The following TMEM212 variants were observed in gnomAD, a reference collection of about 807,000 sequenced individuals.
TMEM212 encodes transmembrane protein 212.
TMEM212 carries 23 observed loss-of-function variants against 20.5 expected under a neutral mutation model. That is an observed-to-expected ratio of 1.12 (90% CI 0.81 to 1.59). The LOEUF is 1.59. Among genes scored for constraint, TMEM212 ranks in the 40% most tolerant of loss-of-function variants. TMEM212 has a pLI of 0.00. For missense variants in TMEM212, 211 were observed against 215.0 expected (o/e 0.98, Z 0.12); for synonymous variants, 76 against 81.6 (o/e 0.93, Z 0.37).
chr3:171,851,830 A>G (rs1214711043), intron 1 of TMEM212, among the ~76,000 whole-genome samples, 152 bp from the exon 2 acceptor site: 1 of 152,184 alleles, frequency 6.6e-6, no homozygotes, highest in African/African-American at 2.4e-5. Context: ...GTTTTTTTCC[A>G]CGGATGAGGA....
At chr3:171,846,371 A>G (rs543443686) in intron 1 of TMEM212, among the ~76,000 whole-genome samples, 5 of 152,290 alleles carry the variant, frequency 3.3e-5, no homozygotes, top group African/African-American at 1.2e-4. Flanking sequence ...TTTTCCTCAT[A>G]ACACTTATTA....
At chr3:171,849,849 T>G (rs1483650894) in intron 1 of TMEM212, among the ~76,000 whole-genome samples, 1 of 152,150 alleles carries the variant, frequency 6.6e-6, no homozygotes, top group Non-Finnish European at 1.5e-5. Context: ...CTGATATCCC[T>G]GGAAGCGCCC....
chr3:171,848,097 T>C (rs898040761), intron 1 of TMEM212, among the ~76,000 whole-genome samples: 3 of 152,206 alleles, frequency 2.0e-5, no homozygotes, highest in Admixed American at 2.0e-4. Context: ...TCCCTGTCAT[T>C]GTCTTGGTAA....
intron 1 of TMEM212, among the ~76,000 whole-genome samples, 165 bp downstream of exon 1, chr3:171,843,707 T>C (rs1371766016): frequency 6.6e-6 from 1 of 152,210 alleles, no homozygotes; most frequent in Non-Finnish European, 1.5e-5. Context: ...TTAATTGCAT[T>C]TTAAGTATAA....
At position 171,843,616 on chromosome 3, in the gene TMEM212, A is replaced by G. The variant is rs913109862; in HGVS notation, c.159+74A>G. 3 of 1,278,064 alleles carry G rather than the reference A, an allele frequency of 2.3e-6. No homozygotes were observed. In the African/African-American group the frequency reaches 4.5e-5, roughly 19 times the overall value. 79.2% of individuals were successfully genotyped at this position (1,278,064 alleles called of 1,614,324 possible). A position where few individuals can be genotyped will look rare whatever the true frequency, so the allele number is the denominator to read the frequency against. On this transcript the variant is annotated intron_variant, in intron 1 of 4. Transcript: ENST00000334567. ...AGGGAAAGGGAAAACAGAAGAACATATCCTTTTAAATTGTTCTAACAATAC... is the reference window on the plus strand; with the variant it reads ...AGGGAAAGGGAAAACAGAAGAACATGTCCTTTTAAATTGTTCTAACAATAC...
chr3:171,850,258 A>G (rs997138207), intron 1 of TMEM212, among the ~76,000 whole-genome samples: 1 of 152,168 alleles, frequency 6.6e-6, no homozygotes, highest in African/African-American at 2.4e-5. Flanking sequence ...TGCAGGGTGG[A>G]TTTAACAAGT....
At chr3:171,847,366 A>G (rs1266203164) in intron 1 of TMEM212, among the ~76,000 whole-genome samples, 2 of 152,230 alleles carry the variant, frequency 1.3e-5, no homozygotes, top group East Asian at 3.8e-4. Context: ...GAGAAAGGTC[A>G]CGCTAGATTT....
At chr3:171,850,756 T>C (rs981545005) in intron 1 of TMEM212, among the ~76,000 whole-genome samples, 2 of 152,236 alleles carry the variant, frequency 1.3e-5, no homozygotes, top group African/African-American at 2.4e-5. Flanking sequence ...CAGATGGTTC[T>C]GTTTTTATCC....
intron 1 of TMEM212, among the ~76,000 whole-genome samples, chr3:171,846,968 T>C (rs1434430271): frequency 6.6e-6 from 1 of 152,224 alleles, no homozygotes; most frequent in Admixed American, 6.5e-5. Context: ...CCTTGGGGAC[T>C]TGTAAGAAAG....
intron 2 of TMEM212, among the ~76,000 whole-genome samples, 177 bp from the exon 3 acceptor site, chr3:171,853,346 TATAC>T (rs1725029662): frequency 6.6e-6 from 1 of 150,904 alleles, no homozygotes. Flanking sequence ...AGAAAATGAA[TATAC>T]AAGGGACATT....
chr3:171,843,909 T>C lies in TMEM212; in HGVS notation c.159+367T>C, dbSNP rs1256553867. ...TAAACCTTGAAAAGTAATTTTAAAA[T>C]ACAGAACAAAGTAAAATAATTTTCA... is the stretch of plus-strand genomic sequence containing the variant. On this transcript the variant is annotated intron_variant, in intron 1 of 4. Transcript: ENST00000334567. 3.3e-5 allele frequency among the ~76,000 whole-genome samples: 5 copies of C among 152,286 alleles called. No homozygotes were observed. In the East Asian group the frequency reaches 7.7e-4, roughly 23 times the overall value.
intron 1 of TMEM212, among the ~76,000 whole-genome samples, chr3:171,848,389 A>G (rs1196427900): frequency 6.6e-6 from 1 of 152,278 alleles, no homozygotes; most frequent in South Asian, 2.1e-4. Flanking sequence ...CCTACAAGGC[A>G]TACCCCTATG....
chr3:171,852,338 C>T (rs1724996064), intron 2 of TMEM212, among the ~76,000 whole-genome samples: 1 of 151,992 alleles, frequency 6.6e-6, no homozygotes, highest in Non-Finnish European at 1.5e-5. Flanking sequence ...GTAGCTGGGA[C>T]TACAGGTGCA....
At chr3:171,845,967 C>A (rs1339953631) in intron 1 of TMEM212, among the ~76,000 whole-genome samples, 1 of 152,118 alleles carries the variant, frequency 6.6e-6, no homozygotes, top group Non-Finnish European at 1.5e-5. Context: ...TTCATTTGTG[C>A]CCTACTCTCT....
rs570786252 is a variant in TMEM212, at chr3:171,845,044, C to A, written c.159+1502C>A. Among the ~76,000 whole-genome samples, 8 of 152,154 alleles carry A rather than the reference C, an allele frequency of 5.3e-5. No individual in the cohort carries two copies. In the South Asian group the frequency reaches 1.7e-3, roughly 32 times the overall value. ...GTTTTTTTTTCTTTTTCAATACATTCTTTTGCATCTATCACCCCAATCTTG... is the reference window on the plus strand; with the variant it reads ...GTTTTTTTTTCTTTTTCAATACATTATTTTGCATCTATCACCCCAATCTTG... On this transcript the variant is annotated intron_variant, in intron 1 of 4. Transcript: ENST00000334567.
At chr3:171,856,790 T>C in intron 4 of TMEM212, 83 bp downstream of exon 4, 1 of 504,846 alleles carries the variant, frequency 2.0e-6, no homozygotes, top group South Asian at 3.4e-5. Context: ...TTTAAGATGT[T>C]TAAACAAGCT....
Position 171,858,733 on chromosome 3 carries a change from A to ATG in TMEM212, c.*676_*677insTG, listed in dbSNP as rs1480463140. The ATG allele has an allele frequency of 1.3e-3, 194 of 151,958 alleles. 1 individual carries two copies. The highest frequency in any genetic ancestry group is 4.4e-3 in the African/African-American group (182 of 41,242). 9.4% of individuals were successfully genotyped at this position (151,958 alleles called of 1,614,324 possible). Reference sequence around the variant, plus strand: ...ACTTAAACAAATTTACAAGAAAAAAACAAACAACCACATCAAAAAGTAGGC... The same window carrying ATG: ...ACTTAAACAAATTTACAAGAAAAAAATGCAAACAACCACATCAAAAAGTAGGC... On this transcript the variant is annotated 3_prime_UTR_variant, in exon 5 of 5. Transcript: ENST00000334567.
At chr3:171,850,216 G>A (rs907081421) in intron 1 of TMEM212, among the ~76,000 whole-genome samples, 1 of 152,100 alleles carries the variant, frequency 6.6e-6, no homozygotes, top group Admixed American at 6.6e-5. Context: ...AATAAAGATG[G>A]GTGCGCTAAC....
At chr3:171,855,123 A>G (rs1444563461) in intron 3 of TMEM212, among the ~76,000 whole-genome samples, 3 of 152,168 alleles carry the variant, frequency 2.0e-5, no homozygotes, top group Non-Finnish European at 4.4e-5. Flanking sequence ...CTTATTTTTA[A>G]TGCAAGAAGT....
Sources: gnomAD v4.1 joint callset for allele counts (sites outside exome capture counted in the v4.1 genomes callset) on GRCh38, gnomAD v4.1.1 for gene constraint, MANE v1.5 for transcripts, NCBI Gene and HGNC (gene_info 2026-07-23, HGNC 2026-07-21) for gene names.